The following FCHSD2 variants were observed in gnomAD, a reference collection of about 807,000 sequenced individuals.
FCHSD2 encodes the protein FCH and double SH3 domains 2.
FCHSD2 carries 38 observed loss-of-function variants against 108.1 expected under a neutral mutation model. That is an observed-to-expected ratio of 0.35 (90% CI 0.27 to 0.46). The LOEUF (loss-of-function observed/expected upper bound fraction) is 0.46. Among genes scored for constraint, FCHSD2 ranks in the 20% least tolerant of loss-of-function variants. The probability of loss-of-function intolerance (pLI) is 1.00; values close to 1 mark genes in which losing one functional copy is unlikely to be tolerated. For synonymous variants in FCHSD2, 279 were observed against 314.7 expected (o/e 0.89, Z 1.20); for missense variants, 751 against 897.8 (o/e 0.84, Z 2.09).
chr11:72,902,998 C>T (rs973652234), intron 9 of FCHSD2, among the ~76,000 whole-genome samples: 17 of 152,114 alleles, frequency 1.1e-4, no homozygotes, highest in African/African-American at 3.9e-4. Flanking sequence ...TGCCATCTCT[C>T]CCAGCTCTAA....
chr11:73,094,689 G>A (rs1860035829), intron 2 of FCHSD2, among the ~76,000 whole-genome samples: 1 of 152,118 alleles, frequency 6.6e-6, no homozygotes. Context: ...AATATTTATA[G>A]CATGGGCAGC....
chr11:72,962,588 A>T (rs1856836124), intron 8 of FCHSD2, among the ~76,000 whole-genome samples: 1 of 74,158 alleles, frequency 1.3e-5, no homozygotes, highest in African/African-American at 4.6e-5. Flanking sequence ...TAAGGATATG[A>T]ACTAAATTCC....
intron 2 of FCHSD2, among the ~76,000 whole-genome samples, chr11:73,106,661 A>G (rs908059758): frequency 3.3e-5 from 5 of 152,276 alleles, no homozygotes; most frequent in Middle Eastern, 3.4e-3. Context: ...GACCACATAT[A>G]CAAGTGGGGT....
intron 8 of FCHSD2, among the ~76,000 whole-genome samples, chr11:72,953,416 G>T (rs1856653727): frequency 6.6e-6 from 1 of 151,896 alleles, no homozygotes; most frequent in African/African-American, 2.4e-5. Flanking sequence ...CTCTCTTAAG[G>T]CCAGTTGAGA....
At chr11:72,920,598 C>T (rs1008082721) in intron 9 of FCHSD2, among the ~76,000 whole-genome samples, 1 of 152,106 alleles carries the variant, frequency 6.6e-6, no homozygotes. Flanking sequence ...ACAACAACAA[C>T]AAAATTGTTC....
chr11:73,142,123 CG>C lies in FCHSD2; in HGVS notation c.-247del. ...TGGGGCCCGGGCGGCCCGGGCGGCC[CG>C]GGGGTGTGTGAGGAAGGAGGCGGAG... On this transcript the variant is annotated 5_prime_UTR_variant, in exon 1 of 20. Coordinates refer to ENST00000409418, the MANE Select transcript of FCHSD2 (RefSeq NM_014824.3). The C allele has an allele frequency of 2.7e-6, 1 of 375,130 alleles. No individual in the cohort carries two copies. Among genetic ancestry groups the C allele is most frequent in the South Asian group, 4.6e-5 (1 of 21,668 alleles). The allele number at this position is 375,130 out of a possible 1,614,324, so 23.2% of individuals were successfully genotyped here.
chr11:73,110,073 T>C (rs924028377), intron 2 of FCHSD2, among the ~76,000 whole-genome samples: 2 of 152,196 alleles, frequency 1.3e-5, no homozygotes, highest in African/African-American at 2.4e-5. Flanking sequence ...TAATGTATTA[T>C]TGAGTTCAGT....
At position 72,944,978 on chromosome 11, in the gene FCHSD2, A is replaced by G. The variant is rs533935060; in HGVS notation, c.706-23028T>C. Among the ~76,000 whole-genome samples the G allele has an allele frequency of 5.3e-5, 8 of 152,356 alleles. No individual in the cohort carries two copies. The South Asian group carries it at 1.7e-3, about 32-fold the overall frequency. On this transcript the variant is annotated intron_variant, in intron 8 of 19. Transcript: ENST00000409418. Reference sequence around the variant, plus strand: ...ATCGTGAAAATGGCCATACTGCCCAAGGTAAATTATAGATTCAATGCCATC... The same window carrying G: ...ATCGTGAAAATGGCCATACTGCCCAGGGTAAATTATAGATTCAATGCCATC...
intron 2 of FCHSD2, among the ~76,000 whole-genome samples, chr11:73,099,678 G>T (rs1351217623): frequency 6.6e-6 from 1 of 152,232 alleles, no homozygotes; most frequent in Non-Finnish European, 1.5e-5. Context: ...GTTAGGCTTA[G>T]CGGCGCTCAC....
chr11:72,946,387 G>A (rs1342902144), intron 8 of FCHSD2, among the ~76,000 whole-genome samples: 1 of 145,408 alleles, frequency 6.9e-6, no homozygotes, highest in Non-Finnish European at 1.5e-5. Flanking sequence ...CACACACCAG[G>A]GCCTGTTGTG....
At position 72,923,738 on chromosome 11, in the gene FCHSD2, G is replaced by A. The variant is rs536541581; in HGVS notation, c.706-1788C>T. ...GGGCGGATCAAGAGATCAGGAGTTCGAGACCAGCCTGGCCAAAATGGTGAA... is the reference window on the plus strand; with the variant it reads ...GGGCGGATCAAGAGATCAGGAGTTCAAGACCAGCCTGGCCAAAATGGTGAA... On this transcript the variant is annotated intron_variant, in intron 8 of 19. Transcript: ENST00000409418. 1.9e-3 allele frequency among the ~76,000 whole-genome samples: 288 copies of A among 152,092 alleles called. 2 individuals carry two copies. Among genetic ancestry groups the A allele is most frequent in the African/African-American group, 4.1e-3 (171 of 41,504 alleles).
intron 9 of FCHSD2, among the ~76,000 whole-genome samples, chr11:72,919,156 T>G (rs1057382014): frequency 2.0e-5 from 3 of 152,256 alleles, no homozygotes; most frequent in African/African-American, 4.8e-5. Context: ...AAACTTCCCT[T>G]TAGGTTGCTT....
At chr11:72,840,163 A>G (rs1565280183) in intron 19 of FCHSD2, among the ~76,000 whole-genome samples, 2 of 152,146 alleles carry the variant, frequency 1.3e-5, no homozygotes, top group Non-Finnish European at 2.9e-5. Flanking sequence ...GCGATGCTTT[A>G]AAAATGCACC....
At chr11:72,847,264 T>C (rs1436128090) in intron 14 of FCHSD2, among the ~76,000 whole-genome samples, 3 of 152,174 alleles carry the variant, frequency 2.0e-5, no homozygotes, top group African/African-American at 4.8e-5. Context: ...CCACAAAGTG[T>C]TGGGATTACA....
chr11:72,897,833 C>T (rs1198651787), intron 10 of FCHSD2, among the ~76,000 whole-genome samples: 2 of 152,182 alleles, frequency 1.3e-5, no homozygotes, highest in South Asian at 2.1e-4. Flanking sequence ...TTTAAAGGCA[C>T]ATTCCATATC....
At chr11:72,878,623 C>T (rs1855018290) in intron 12 of FCHSD2, among the ~76,000 whole-genome samples, 1 of 152,112 alleles carries the variant, frequency 6.6e-6, no homozygotes, top group Non-Finnish European at 1.5e-5. Flanking sequence ...GTTGAATGGA[C>T]TCCCAGTTTT....
At chr11:73,047,983 A>C (rs1591511937) in intron 3 of FCHSD2, among the ~76,000 whole-genome samples, 1 of 152,188 alleles carries the variant, frequency 6.6e-6, no homozygotes, top group Admixed American at 6.5e-5. Context: ...TGGAGCCATA[A>C]TTAGAACTCT....
intron 8 of FCHSD2, among the ~76,000 whole-genome samples, chr11:72,958,705 T>C (rs983501492): frequency 6.6e-6 from 1 of 152,200 alleles, no homozygotes; most frequent in African/African-American, 2.4e-5. Context: ...AAAGGTCTCT[T>C]ATCTCCTTCC....
chr11:73,092,948 T>C lies in FCHSD2; in HGVS notation c.120-9208A>G, dbSNP rs866936791. 1.2e-4 allele frequency among the ~76,000 whole-genome samples: 19 copies of C among 152,284 alleles called. 1 individual carries two copies. In the Middle Eastern group the frequency reaches 0.014, roughly 109 times the overall value. On this transcript the variant is annotated intron_variant, in intron 2 of 19. Transcript: ENST00000409418. The stretch of plus-strand genomic sequence containing the variant: ...CCTGGGGACCTTGTGCCACACCAAA[T>C]AGTCTATGCTAACAATGTGATTTCA...
Sources: allele counts gnomAD v4.1 joint callset (sites outside exome capture counted in the v4.1 genomes callset), GRCh38; gene constraint gnomAD v4.1.1; transcripts MANE v1.5; gene names NCBI Gene and HGNC (gene_info 2026-07-23, HGNC 2026-07-21).